Variants in PNPLA6 observed in about 807,000 individuals in gnomAD.
PNPLA6 encodes the protein patatin like domain 6, lysophospholipase, also known as patatin-like phospholipase domain-containing protein 6.
In PNPLA6, 105 loss-of-function variants were observed where a neutral mutation model predicts 153.7. The ratio of observed to expected loss-of-function variants is 0.68; its 90% CI spans 0.58 to 0.80. The LOEUF is 0.80. PNPLA6 is among the 30% of genes least tolerant of loss of function. PNPLA6 has a pLI of 0.00. For synonymous variants in PNPLA6, 825 were observed against 822.2 expected, an observed-to-expected ratio of 1.00 and a Z score of -0.06; for missense variants, 1,423 against 1,919.3, an observed-to-expected ratio of 0.74 and a Z score of 4.83.
At chr19:7,550,855 T>A in intron 16 of PNPLA6, 139 bp from the exon 17 acceptor site, 1 of 884,626 alleles carries the variant, frequency 1.1e-6, no homozygotes, top group South Asian at 1.6e-5. Context: ...AGAGCTCTAA[T>A]GGGTAGCGAG....
At chr19:7,560,364 CA>C (rs1456076663) in intron 28 of PNPLA6, among the ~76,000 whole-genome samples, 2 of 151,980 alleles carry the variant, frequency 1.3e-5, no homozygotes, top group Non-Finnish European at 2.9e-5. Flanking sequence ...TTGCAGACTT[CA>C]AAATAAGCTC....
In PNPLA6 at chr19:7,557,510, G is replaced by A. The variant is rs887924981; in HGVS notation, c.3397+226G>A. ...GTTGAGATCTACATTCTGGCCAGGCGCGGTGGCTCAGCCTGGAATCCCAGC... is the reference window on the plus strand; with the variant it reads ...GTTGAGATCTACATTCTGGCCAGGCACGGTGGCTCAGCCTGGAATCCCAGC... On this transcript the variant is annotated intron_variant, in intron 27 of 31. Coordinates refer to ENST00000600737, the MANE Select transcript of PNPLA6 (RefSeq NM_001166114.2). The A allele has an allele frequency of 5.3e-5, 31 of 585,318 alleles. No individual in the cohort carries two copies. The East Asian group carries it at 6.6e-4, about 13-fold the overall frequency. The allele number at this position is 585,318 out of a possible 1,614,324, so 36.3% of individuals were successfully genotyped here. A position where few individuals can be genotyped will look rare whatever the true frequency, so the allele number is the denominator to read the frequency against.
At chr19:7,537,666 G>A (rs2146042740) in intron 3 of PNPLA6, among the ~76,000 whole-genome samples, 1 of 152,166 alleles carries the variant, frequency 6.6e-6, no homozygotes, top group East Asian at 1.9e-4. Flanking sequence ...TTTTTGAGAT[G>A]GAGTCTTGCT....
chr19:7,549,191 CTTTTTTTT>C (rs144394695), intron 13 of PNPLA6, among the ~76,000 whole-genome samples: 1 of 138,822 alleles, frequency 7.2e-6, no homozygotes, highest in Non-Finnish European at 1.6e-5. Context: ...TCTTTTTTTT[CTTTTTTTT>C]TTTTTGAGAC....
chr19:7,536,926 C>CAAA (rs56310906), intron 3 of PNPLA6, among the ~76,000 whole-genome samples: 267 of 52,936 alleles, frequency 5.0e-3, no homozygotes, highest in Middle Eastern at 0.014. Context: ...GACTCTGTCT[C>CAAA]AAAAAAAAAA....
At chr19:7,543,695 ACT>A (rs1413683975) in intron 13 of PNPLA6, among the ~76,000 whole-genome samples, 1 of 151,266 alleles carries the variant, frequency 6.6e-6, no homozygotes, top group Non-Finnish European at 1.5e-5. Context: ...TGAAACCCAC[ACT>A]CTGTCCCCAG....
rs2023886520 is a variant in PNPLA6 at position 7,556,536 on chromosome 19, C to T, written c.3177C>T (p.Ser1059=). ...TCACTGGGTCTGCCTTTAACCGCAG[C>T]ATCCATCGGGTCTTCCAGGATAAGC... ...SMFTGSAFNR[S]IHRVFQDKQI... is the part of the protein sequence containing the mutation. Residue 1059 remains serine (S), a synonymous_variant, in exon 25 of 32, where the codon AGC becomes AGT. Transcript: ENST00000600737. 6.2e-7 allele frequency: 1 copy of T among 1,613,370 alleles called. No homozygotes were observed. Among genetic ancestry groups the T allele is most frequent in the Admixed American group, 1.7e-5 (1 of 60,012 alleles).
intron 19 of PNPLA6, 86 bp downstream of exon 19, chr19:7,554,101 G>A (rs941968020): frequency 1.9e-6 from 3 of 1,589,608 alleles, no homozygotes; most frequent in East Asian, 2.2e-5. Context: ...CATTTGGGGG[G>A]TGGAGGGGAA....
intron 28 of PNPLA6, 79 bp downstream of exon 28, chr19:7,559,230 G>C: frequency 2.4e-6 from 3 of 1,242,842 alleles, no homozygotes; most frequent in African/African-American, 1.5e-5. Context: ...AGTGGTATGA[G>C]GGGGAGGAAT....
In PNPLA6 at chr19:7,535,723, C is replaced by T; in HGVS notation, c.-66C>T. 1 of 1,518,180 alleles carries T rather than the reference C, an allele frequency of 6.6e-7. No individual in the cohort carries two copies. The highest frequency in any genetic ancestry group is 8.8e-7 in the Non-Finnish European group (1 of 1,132,934). The allele number at this position is 1,518,180 out of a possible 1,614,324, so 94.0% of individuals were successfully genotyped here. A position where few individuals can be genotyped will look rare whatever the true frequency, so the allele number is the denominator to read the frequency against. On this transcript the variant is annotated 5_prime_UTR_variant, in exon 1 of 32. Transcript: ENST00000600737. The surrounding 1 kb of genome is among the most constrained non-coding windows in gnomAD (Gnocchi z 5.0). ...GAACTACGTTTCCCGGCATGCACTG[C>T]GGGCCGCCGGGCCTCAGGGAAGAGT...
Position 7,542,879 on chromosome 19 carries a change from G to C in PNPLA6, c.1481G>C (p.Ser494Thr), listed in dbSNP as rs765659725. Residue 494 changes from serine to threonine, a missense_variant, in exon 12 of 32, where the codon AGC (serine) becomes ACC (threonine). Physicochemically the swap from Ser to Thr is moderately conservative, Grantham distance 58 (BLOSUM62 1). Coordinates refer to ENST00000600737, the MANE Select transcript of PNPLA6 (RefSeq NM_001166114.2). Reference sequence around the variant, plus strand: ...CCCTACCAGGGCCGCCAGACCAGCAGCATCTTCGAGGCAGCAAAGCAGGAG... The same window carrying C: ...CCCTACCAGGGCCGCCAGACCAGCACCATCTTCGAGGCAGCAAAGCAGGAG... ...FGPYQGRQTS[S>T]IFEAAKQELA... 1 of 1,613,380 alleles carries C rather than the reference G, an allele frequency of 6.2e-7. No homozygotes were observed. Among genetic ancestry groups the C allele is most frequent in the Non-Finnish European group, 8.5e-7 (1 of 1,179,900 alleles).
chr19:7,541,574 G>T lies in PNPLA6; in HGVS notation c.1058G>T (p.Ser353Ile). The T allele has an allele frequency of 6.3e-7, 1 of 1,598,068 alleles. No individual in the cohort carries two copies. The highest frequency in any genetic ancestry group is 8.5e-7 in the Non-Finnish European group (1 of 1,172,556). Residue 353 changes from serine (S) to isoleucine (I), a missense_variant, in exon 9 of 32, where the codon AGC becomes ATC. By Grantham distance (142) the Ser-to-Ile change is moderately radical. Coordinates refer to ENST00000600737, the MANE Select transcript of PNPLA6 (RefSeq NM_001166114.2). The surrounding 1 kb of genome is among the most constrained non-coding windows in gnomAD (Gnocchi z 5.2). ...AGCCCCGGCCTCCCAACTCGCACCA[G>T]CCCTGTGCGGGGCTCCAAGAGAATG... ...FPSPGLPTRT[S>I]PVRGSKRMVS...
At chr19:7,552,058 C>T (rs1292265893) in intron 18 of PNPLA6, among the ~76,000 whole-genome samples, 3 of 152,220 alleles carry the variant, frequency 2.0e-5, no homozygotes, top group Admixed American at 1.3e-4. Flanking sequence ...TGCAGTGAGC[C>T]GTGATCGTGC....
chr19:7,536,035 G>A lies in PNPLA6; in HGVS notation c.232+15G>A, dbSNP rs1333355668. The A allele has an allele frequency of 1.9e-6, 3 of 1,576,510 alleles. No homozygotes were observed. The highest frequency in any genetic ancestry group is 1.1e-5 in the South Asian group (1 of 87,168). On this transcript the variant is annotated intron_variant, in intron 1 of 31. Coordinates refer to ENST00000600737, the MANE Select transcript of PNPLA6 (RefSeq NM_001166114.2). The stretch of plus-strand genomic sequence containing the variant: ...GCGAGTGCCAAGTGAGCACCCGAGG[G>A]GCCCCTCTTGGGAGGCTGTATGGTG...
rs1406190133 is a variant in PNPLA6, at chr19:7,547,811, A to AAATT, written c.1609-2096_1609-2095insAATT. On this transcript the variant is annotated intron_variant, in intron 13 of 31. Coordinates refer to ENST00000600737, the MANE Select transcript of PNPLA6 (RefSeq NM_001166114.2). ...TGCTACCATGCCTGGCTAATTAAAA[A>AAATT]TTTTTTTTTTTTTTTTTTTTTTTTT... Among the ~76,000 whole-genome samples, 30 of 114,552 alleles carry AAATT rather than the reference A, an allele frequency of 2.6e-4. No homozygotes were observed. The East Asian group carries it at 6.4e-3, about 24-fold the overall frequency. The allele number at this position is 114,552 out of a possible 152,430, so 75.2% of individuals were successfully genotyped here.
upstream of PNPLA6, chr19:7,535,423 T>G: frequency 1.0e-6 from 1 of 1,000,944 alleles, no homozygotes; most frequent in Non-Finnish European, 1.5e-6. This position sits in a 1 kb window ranked among gnomAD's most constrained non-coding sequence, Gnocchi z 5.0. Flanking sequence ...GGGCAGGGCT[T>G]GAGCTGGGGG....
rs751479320 is a variant in PNPLA6 at position 7,554,249 on chromosome 19, C to T, written c.2442C>T (p.Arg814=). The change falls in exon 20 of 32, where the codon CGC becomes CGT. Residue 814 remains arginine (R), a synonymous_variant. Coordinates refer to ENST00000600737, the MANE Select transcript of PNPLA6 (RefSeq NM_001166114.2). ...TTAACAGTGACATCATCCGGGCACG[C>T]CTGGGGGCCTCCGCACTGGATAGGT... The part of the protein sequence containing the change: ...LLLNSDIIRA[R]LGASALDSIQ... 8.1e-6 allele frequency: 13 copies of T among 1,613,980 alleles called. No homozygotes were observed. Among genetic ancestry groups the T allele is most frequent in the Non-Finnish European group, 1.0e-5 (12 of 1,179,984 alleles).
Position 7,550,122 on chromosome 19 carries a change from C to T in PNPLA6, c.1814+10C>T, listed in dbSNP as rs762451529. The T allele has an allele frequency of 6.2e-7, 1 of 1,613,872 alleles. No individual in the cohort carries two copies. Among genetic ancestry groups the T allele is most frequent in the Non-Finnish European group, 8.5e-7 (1 of 1,179,962 alleles). ...AGTCCGACTTCTATGAGTATGACAG[C>T]CCGAAGTTGGAGTGTGGGTGGCACT... On this transcript the variant is annotated intron_variant, in intron 14 of 31. Transcript: ENST00000600737.
At chr19:7,557,128 G>A (rs201384898) in intron 26 of PNPLA6, 40 bp from the exon 27 acceptor site, 219 of 1,441,028 alleles carry the variant, frequency 1.5e-4, no homozygotes, top group Non-Finnish European at 1.9e-4. Flanking sequence ...GTGTCTGAGC[G>A]TGTCTGTGCG....
Sources: gnomAD v4.1 joint callset for allele counts (sites outside exome capture counted in the v4.1 genomes callset) on GRCh38, gnomAD v4.1.1 for gene constraint, Gnocchi (gnomAD v3.1) non-coding constraint, MANE v1.5 for transcripts, NCBI Gene and HGNC (gene_info 2026-07-23, HGNC 2026-07-21) for gene names.